TACC1: variants seen among roughly 807,000 people sequenced by gnomAD.
TACC1 encodes the protein transforming acidic coiled-coil containing protein 1.
In TACC1, 48 loss-of-function variants were observed where a neutral mutation model predicts 84.4. The observed-to-expected ratio is 0.57, with a 90% CI of 0.45 to 0.72. The LOEUF (loss-of-function observed/expected upper bound fraction) is 0.72, where lower values mean the gene tolerates loss of function less well. TACC1 is among the 30% of genes least tolerant of loss of function. TACC1 has a pLI of 0.00. For missense variants in TACC1, 920 were observed against 973.0 expected (o/e 0.95, Z 0.72); for synonymous variants, 372 against 376.3 (o/e 0.99, Z 0.13).
At chr8:38,768,426 CACACACAA>C (rs1438453066) in intron 3 of TACC1, among the ~76,000 whole-genome samples, 1 of 152,206 alleles carries the variant, frequency 6.6e-6, no homozygotes, top group Non-Finnish European at 1.5e-5. Flanking sequence ...AAATTCTCTT[CACACACAA>C]ATGTGTTGAT....
At position 38,848,132 on chromosome 8, in the gene TACC1, ACTT is replaced by A; in HGVS notation, c.*110_*112del. On this transcript the variant is annotated 3_prime_UTR_variant, in exon 13 of 13. Coordinates refer to ENST00000317827, the MANE Select transcript of TACC1 (RefSeq NM_006283.3). Reference sequence around the variant, plus strand: ...TGCCCCTTTGCAGAGAAAAAAAAAAACTTAAAAAAAGCACATGCCTACTGCTGC... The same window carrying A: ...TGCCCCTTTGCAGAGAAAAAAAAAAAAAAAAAAGCACATGCCTACTGCTGC... 9.0e-7 allele frequency: 1 copy of A among 1,110,496 alleles called. No homozygotes were observed. Among genetic ancestry groups the A allele is most frequent in the Non-Finnish European group, 1.3e-6 (1 of 776,770 alleles). The allele number at this position is 1,110,496 out of a possible 1,614,324, so 68.8% of individuals were successfully genotyped here.
chr8:38,831,103 T>C (rs375695083), intron 5 of TACC1, 22 bp from the exon 6 acceptor site: 5 of 1,613,810 alleles, frequency 3.1e-6, no homozygotes, highest in Non-Finnish European at 4.2e-6. Flanking sequence ...GGGATAACTA[T>C]AAAAATGACT....
At chr8:38,743,711 T>A (rs1235192894) in intron 2 of TACC1, among the ~76,000 whole-genome samples, 2 of 152,140 alleles carry the variant, frequency 1.3e-5, no homozygotes, top group Admixed American at 1.3e-4. Flanking sequence ...ATATATATGT[T>A]TATTTTTCTC....
chr8:38,817,659 A>G (rs1028764444), intron 2 of TACC1, among the ~76,000 whole-genome samples: 1 of 152,198 alleles, frequency 6.6e-6, no homozygotes, highest in African/African-American at 2.4e-5. Flanking sequence ...AGTTAAACAT[A>G]TATTTAAAAG....
At chr8:38,815,854 G>A (rs902440878) in intron 2 of TACC1, among the ~76,000 whole-genome samples, 2 of 151,928 alleles carry the variant, frequency 1.3e-5, no homozygotes, top group African/African-American at 4.8e-5. Context: ...TAAGCCGGAT[G>A]TGGTGGCATG....
chr8:38,775,654 C>G (rs1213617329), intron 3 of TACC1, among the ~76,000 whole-genome samples: 2 of 152,168 alleles, frequency 1.3e-5, no homozygotes, highest in African/African-American at 4.8e-5. Context: ...GGCCCCACTT[C>G]TTAATATTCT....
chr8:38,825,384 T>A lies in TACC1; in HGVS notation c.1452+16T>A. 1 of 1,614,090 alleles carries A rather than the reference T, an allele frequency of 6.2e-7. No homozygotes were observed. The highest frequency in any genetic ancestry group is 8.5e-7 in the Non-Finnish European group (1 of 1,179,942). ...ATGTTCTCGGGTGAGTCTGTGCCCA[T>A]CTCCAGAATGTCTCTGAGACCAGGG... On this transcript the variant is annotated intron_variant, in intron 4 of 12. Coordinates refer to ENST00000317827, the MANE Select transcript of TACC1 (RefSeq NM_006283.3).
In TACC1 at chr8:38,851,208, G is replaced by A. The variant is rs1161213823; in HGVS notation, c.*3185G>A. 2 of 152,254 alleles carry A rather than the reference G, an allele frequency of 1.3e-5. No individual in the cohort carries two copies. Among genetic ancestry groups the A allele is most frequent in the African/African-American group, 4.8e-5 (2 of 41,458 alleles). 9.4% of individuals were successfully genotyped at this position (152,254 alleles called of 1,614,324 possible). A position where few individuals can be genotyped will look rare whatever the true frequency, so the allele number is the denominator to read the frequency against. On this transcript the variant is annotated 3_prime_UTR_variant, in exon 13 of 13. Coordinates refer to ENST00000317827, the MANE Select transcript of TACC1 (RefSeq NM_006283.3). ...TTTGGCAGCCTTCCAGAATGGTATG[G>A]AATCTGAGGGAAGATTTATGTTTCG... is the stretch of plus-strand genomic sequence containing the variant.
chr8:38,817,228 T>G (rs758557505), intron 2 of TACC1, among the ~76,000 whole-genome samples: 13 of 152,222 alleles, frequency 8.5e-5, no homozygotes, highest in Non-Finnish European at 1.8e-4. Flanking sequence ...CTGAGCCAGT[T>G]GTACATGGAA....
At chr8:38,811,435 C>T (rs1033114412) in intron 2 of TACC1, among the ~76,000 whole-genome samples, 1 of 152,204 alleles carries the variant, frequency 6.6e-6, no homozygotes, top group African/African-American at 2.4e-5. Flanking sequence ...AACTTCTCCT[C>T]CTGTTGTGGG....
intron 3 of TACC1, among the ~76,000 whole-genome samples, chr8:38,825,042 C>G (rs576299552): frequency 3.0e-4 from 45 of 152,244 alleles, no homozygotes; most frequent in Non-Finnish European, 6.0e-4. Context: ...CATCAGAGTG[C>G]TACTGTTTGA....
intron 7 of TACC1, among the ~76,000 whole-genome samples, chr8:38,837,109 T>A (rs1416945274): frequency 6.7e-6 from 1 of 150,278 alleles, no homozygotes; most frequent in Non-Finnish European, 1.5e-5. Context: ...CAAAATCTTT[T>A]TTTTTTTTTT....
chr8:38,770,588 G>T (rs2151884930), intron 3 of TACC1, among the ~76,000 whole-genome samples: 1 of 152,294 alleles, frequency 6.6e-6, no homozygotes, highest in Non-Finnish European at 1.5e-5. Flanking sequence ...TGTATGTCAC[G>T]CTCAGAGAGG....
chr8:38,786,208 A>C (rs890798085), upstream of TACC1, among the ~76,000 whole-genome samples: 2 of 152,120 alleles, frequency 1.3e-5, no homozygotes, highest in Admixed American at 1.3e-4. Context: ...GTTTGAGGCA[A>C]TCGATTCACT....
Position 38,820,503 on chromosome 8 carries a change from A to G in TACC1, c.1259A>G (p.Asp420Gly). The change falls in exon 3 of 13, where the codon GAT becomes GGT. Residue 420 changes from aspartate to glycine, a missense_variant. Asp to Gly is a moderately conservative substitution (Grantham distance 94, BLOSUM62 -1). Around this residue, in one of 2 missense-constraint regions of TACC1, gnomAD observed 762 missense variants for 747.3 expected, o/e 1.02. Transcript: ENST00000317827. Reference protein sequence around the residue: ...SSEGSYHFDPDNFDESMDPFK... With the variant: ...SSEGSYHFDPGNFDESMDPFK... ...GAGGGCTCCTACCACTTTGACCCAGATAACTTTGACGAATCCATGGATCCC... is the reference window on the plus strand; with the variant it reads ...GAGGGCTCCTACCACTTTGACCCAGGTAACTTTGACGAATCCATGGATCCC... 1.2e-6 allele frequency: 2 copies of G among 1,614,194 alleles called. No homozygotes were observed. Among genetic ancestry groups the G allele is most frequent in the Non-Finnish European group, 1.7e-6 (2 of 1,180,028 alleles).
At chr8:38,764,155 G>A (rs1811753700) in intron 3 of TACC1, among the ~76,000 whole-genome samples, 3 of 152,084 alleles carry the variant, frequency 2.0e-5, no homozygotes, top group Admixed American at 2.0e-4. Flanking sequence ...TCAGCTCACT[G>A]CAACCTCCAC....
At chr8:38,778,694 C>T (rs374420492) in intron 3 of TACC1, among the ~76,000 whole-genome samples, 7 of 152,206 alleles carry the variant, frequency 4.6e-5, no homozygotes, top group South Asian at 2.1e-4. Flanking sequence ...TCCTGCTTCA[C>T]AAAATCAGGC....
At position 38,787,724 on chromosome 8, in the gene TACC1, A is replaced by G; in HGVS notation, c.142A>G (p.Thr48Ala). ...DPEEEDSQAE[T>A]KSLSFSSDSE... ...CGAGGAGGAGGATTCGCAAGCCGAG[A>G]CCAAATCCTTGAGTTTCAGGCAAGT... Residue 48 changes from threonine to alanine, a missense_variant, in exon 1 of 13, where the codon ACC becomes GCC. Around this residue, in one of 2 missense-constraint regions of TACC1, gnomAD observed 762 missense variants for 747.3 expected, o/e 1.02. Transcript: ENST00000317827. 1 of 1,547,060 alleles carries G rather than the reference A, an allele frequency of 6.5e-7. No homozygotes were observed. The highest frequency in any genetic ancestry group is 8.7e-7 in the Non-Finnish European group (1 of 1,154,894).
intron 3 of TACC1, among the ~76,000 whole-genome samples, chr8:38,765,551 G>A (rs1479619764): frequency 6.6e-6 from 1 of 152,070 alleles, no homozygotes; most frequent in Admixed American, 6.6e-5. Flanking sequence ...AAGATATTTG[G>A]TTTTCAGCTT....
Sources: gnomAD v4.1 joint callset for allele counts (sites outside exome capture counted in the v4.1 genomes callset) on GRCh38, gnomAD v4.1.1 for gene constraint, gnomAD v4.1.1 regional missense constraint, MANE v1.5 for transcripts, NCBI Gene and HGNC (gene_info 2026-07-23, HGNC 2026-07-21) for gene names.